Variants in RAI1 observed in about 807,000 individuals in gnomAD.
RAI1 encodes retinoic acid induced 1.
In RAI1, 9 loss-of-function variants were observed where a neutral mutation model predicts 123.8. The ratio of observed to expected loss-of-function variants is 0.07; its 90% CI spans 0.04 to 0.13. RAI1 has a LOEUF of 0.13. Ranked by LOEUF, RAI1 falls within the 10% of genes least tolerant of loss-of-function variation. RAI1 has a pLI of 1.00. For synonymous variants in RAI1, 1,231 were observed against 1,127.3 expected (o/e 1.09, Z -1.84); for missense variants, 2,256 against 2,545.8 (o/e 0.89, Z 2.45).
chr17:17,681,474 C>A lies in RAI1; in HGVS notation c.-468C>A, dbSNP rs1004656011. ...GAGGGGATCGCATTCCTCGCGGCAC[C>A]CGCGGACACCAGGCAGGCCCGGCCG... On this transcript the variant is annotated 5_prime_UTR_variant, in exon 1 of 6. Transcript: ENST00000353383. The A allele has an allele frequency of 3.6e-5, 6 of 168,828 alleles. No homozygotes were observed. The highest frequency in any genetic ancestry group is 3.4e-4 in the East Asian group (2 of 5,848). 10.5% of individuals were successfully genotyped at this position (168,828 alleles called of 1,614,324 possible).
intron 2 of RAI1, among the ~76,000 whole-genome samples, chr17:17,776,447 T>C (rs948858175): frequency 1.1e-4 from 17 of 152,166 alleles, no homozygotes; most frequent in Non-Finnish European, 2.4e-4. Context: ...CTCAGCTTAC[T>C]GCAGCCTCCA....
In RAI1 at chr17:17,795,732, G is replaced by A. The variant is rs763901224; in HGVS notation, c.2784G>A (p.Leu928=). ...CHLSGESVIL[L]GPTVGTESKV... is the part of the protein sequence containing the mutation. ...TCTCAGGGGAGTCCGTCATCCTGCTGGGCCCTACAGTGGGCACCGAGTCAA... is the reference window on the plus strand; with the variant it reads ...TCTCAGGGGAGTCCGTCATCCTGCTAGGCCCTACAGTGGGCACCGAGTCAA... The change falls in exon 3 of 6, where the codon CTG becomes CTA. Residue 928 remains leucine (L), a synonymous_variant. Coordinates refer to ENST00000353383, the MANE Select transcript of RAI1 (RefSeq NM_030665.4). This position sits in a 1 kb window ranked among gnomAD's most constrained non-coding sequence, Gnocchi z 5.9. The A allele has an allele frequency of 1.1e-5, 18 of 1,613,408 alleles. No individual in the cohort carries two copies. Among genetic ancestry groups the A allele is most frequent in the Non-Finnish European group, 1.5e-5 (18 of 1,180,018 alleles).
At chr17:17,694,663 T>G (rs1042440811) in intron 1 of RAI1, among the ~76,000 whole-genome samples, 2 of 151,232 alleles carry the variant, frequency 1.3e-5, no homozygotes, top group Admixed American at 6.6e-5. Flanking sequence ...CGCCGGAGCC[T>G]CCTCCGCGGT....
At chr17:17,789,453 G>A (rs1598083695) in intron 2 of RAI1, among the ~76,000 whole-genome samples, 1 of 152,216 alleles carries the variant, frequency 6.6e-6, no homozygotes, top group East Asian at 1.9e-4. Context: ...TGCCCCAGGT[G>A]TGTGCCACAC....
At chr17:17,727,969 C>T (rs1284902189) in intron 2 of RAI1, among the ~76,000 whole-genome samples, 1 of 152,062 alleles carries the variant, frequency 6.6e-6, no homozygotes, top group East Asian at 1.9e-4. Flanking sequence ...CATCCGTGTG[C>T]CTCTGATCCT....
chr17:17,722,816 G>C (rs1915929155), intron 1 of RAI1, among the ~76,000 whole-genome samples: 1 of 147,074 alleles, frequency 6.8e-6, no homozygotes, highest in South Asian at 2.1e-4. Flanking sequence ...GGAGGCGCGC[G>C]ATGAAGGCCC....
chr17:17,794,099 C>T lies in RAI1; in HGVS notation c.1151C>T (p.Ala384Val). ...CCGCTCAGCACCGGGGCCTTCCCCGCAGGGATCACTGACCACAGCCACTTC... is the reference window on the plus strand; with the variant it reads ...CCGCTCAGCACCGGGGCCTTCCCCGTAGGGATCACTGACCACAGCCACTTC... The part of the protein sequence containing the change: ...QQPLSTGAFP[A>V]GITDHSHFMP... The change falls in exon 3 of 6, where the codon GCA (alanine) becomes GTA (valine). Residue 384 changes from alanine to valine, a missense_variant. This residue lies in a region of RAI1 where 357 missense variants were observed against 480.2 expected (regional missense o/e 0.74). Transcript: ENST00000353383. 6.2e-7 allele frequency: 1 copy of T among 1,614,098 alleles called. No individual in the cohort carries two copies. Among genetic ancestry groups the T allele is most frequent in the Non-Finnish European group, 8.5e-7 (1 of 1,180,046 alleles).
chr17:17,787,458 C>G (rs1000344450), intron 2 of RAI1, among the ~76,000 whole-genome samples: 1 of 152,004 alleles, frequency 6.6e-6, no homozygotes, highest in Non-Finnish European at 1.5e-5. Flanking sequence ...ATAAAGTGAT[C>G]TAAAAAAAAA....
At chr17:17,711,798 G>A (rs571931143) in intron 1 of RAI1, among the ~76,000 whole-genome samples, 6 of 152,332 alleles carry the variant, frequency 3.9e-5, no homozygotes, top group Admixed American at 3.9e-4. Flanking sequence ...GGTGAGGCCC[G>A]GGCTCTGTCC....
intron 2 of RAI1, among the ~76,000 whole-genome samples, chr17:17,747,510 C>T (rs1395201419): frequency 6.6e-6 from 1 of 152,170 alleles, no homozygotes; most frequent in African/African-American, 2.4e-5. Flanking sequence ...ATAGGGCTGT[C>T]CTGGCAGCCC....
At chr17:17,692,545 A>T (rs973812642) in intron 1 of RAI1, among the ~76,000 whole-genome samples, 1 of 152,224 alleles carries the variant, frequency 6.6e-6, no homozygotes, top group Non-Finnish European at 1.5e-5. Context: ...ATTAGAAATC[A>T]CATCCGCAGG....
At chr17:17,719,973 A>G (rs1416022541) in intron 1 of RAI1, among the ~76,000 whole-genome samples, 1 of 152,136 alleles carries the variant, frequency 6.6e-6, no homozygotes, top group Non-Finnish European at 1.5e-5. Context: ...GGCTTACCAG[A>G]CCAGGGCTGA....
chr17:17,803,671 C>T (rs2032533404), intron 3 of RAI1, 85 bp from the exon 4 acceptor site: 5 of 1,265,698 alleles, frequency 4.0e-6, no homozygotes, highest in Non-Finnish European at 5.8e-6. Context: ...CAGGCATGAG[C>T]CACTGCACCT....
chr17:17,723,612 G>A (rs1915963269), intron 1 of RAI1, among the ~76,000 whole-genome samples: 1 of 149,104 alleles, frequency 6.7e-6, no homozygotes, highest in Non-Finnish European at 1.5e-5. Flanking sequence ...TGAGAGCCAA[G>A]GGAGCGTCTC....
In RAI1 at chr17:17,801,072, C is replaced by T. The variant is rs549438251; in HGVS notation, c.5565+2559C>T. Reference sequence around the variant, plus strand: ...CCTCGGTACCTTGACCTCACTTTTGCGCTCTGGAGGGCAGAACCTCTGAGC... The same window carrying T: ...CCTCGGTACCTTGACCTCACTTTTGTGCTCTGGAGGGCAGAACCTCTGAGC... On this transcript the variant is annotated intron_variant, in intron 3 of 5. Transcript: ENST00000353383. The surrounding 1 kb of genome is among the most constrained non-coding windows in gnomAD (Gnocchi z 4.1). 5.3e-5 allele frequency among the ~76,000 whole-genome samples: 8 copies of T among 152,192 alleles called. No individual in the cohort carries two copies. The highest frequency in any genetic ancestry group is 8.8e-5 in the Non-Finnish European group (6 of 68,026).
In RAI1 at chr17:17,794,981, A is replaced by G. The variant is rs1567919637; in HGVS notation, c.2033A>G (p.Asn678Ser). The change falls in exon 3 of 6, where the codon AAT (asparagine) becomes AGT (serine). Residue 678 changes from asparagine (N) to serine (S), a missense_variant. Transcript: ENST00000353383. Reference protein sequence around the residue: ...PDSLQLDKGGNAKDFSPGLFE... With the variant: ...PDSLQLDKGGSAKDFSPGLFE... ...TCCTTGCAGCTGGACAAGGGCGGCA[A>G]TGCCAAGGACTTCAGCCCAGGGCTG... 2.5e-6 allele frequency: 4 copies of G among 1,613,850 alleles called. No homozygotes were observed. The highest frequency in any genetic ancestry group is 2.5e-6 in the Non-Finnish European group (3 of 1,180,052).
In RAI1 at chr17:17,797,870, C is replaced by A. The variant is rs867812965; in HGVS notation, c.4922C>A (p.Ser1641Tyr). Residue 1641 changes from serine to tyrosine, a missense_variant, in exon 3 of 6, where the codon TCC (serine) becomes TAC (tyrosine). By Grantham distance (144) the Ser-to-Tyr change is moderately radical. Around this residue, in one of 7 missense-constraint regions of RAI1, gnomAD observed 410 missense variants for 374.6 expected, o/e 1.09. Coordinates refer to ENST00000353383, the MANE Select transcript of RAI1 (RefSeq NM_030665.4). ...TCTTCCTCATCCTCGTCCTCGTTCT[C>A]CTTGGATGCAGCCGGGGCCTCCCTG... is the stretch of plus-strand genomic sequence containing the variant. ...ASSSSSSSSFSLDAAGASLAT... is the reference protein window; with the variant it reads ...ASSSSSSSSFYLDAAGASLAT... The A allele has an allele frequency of 6.2e-7, 1 of 1,614,042 alleles. No individual in the cohort carries two copies. Among genetic ancestry groups the A allele is most frequent in the Non-Finnish European group, 8.5e-7 (1 of 1,180,026 alleles).
rs576795003 is a variant in RAI1 at position 17,681,791 on chromosome 17, G to C, written c.-151G>C. The C allele has an allele frequency of 3.1e-6, 1 of 324,222 alleles. No individual in the cohort carries two copies. The highest frequency in any genetic ancestry group is 2.2e-5 in the African/African-American group (1 of 45,530). 20.1% of individuals were successfully genotyped at this position (324,222 alleles called of 1,614,324 possible). A position where few individuals can be genotyped will look rare whatever the true frequency, so the allele number is the denominator to read the frequency against. ...AGGCCCCCGAGTGAGCGCGGGCGCC[G>C]AGGTGAGCAGCGAGCGCCGGGGCGC... On this transcript the variant is annotated splice_region_variant and 5_prime_UTR_variant, in exon 1 of 6. Transcript: ENST00000353383.
In RAI1 at chr17:17,794,317, G is replaced by A. The variant is rs1490052376; in HGVS notation, c.1369G>A (p.Ala457Thr). ...CGTCCAGCAGCTGCTGCTCTCCAAG[G>A]CTGCTGTGCCGCAGAAGAAAGGTGT... ...NTVQQLLLSK[A>T]AVPQKKGVKN... Residue 457 changes from alanine to threonine, a missense_variant, in exon 3 of 6, where the codon GCT becomes ACT. This residue lies in a region of RAI1 where 357 missense variants were observed against 480.2 expected (regional missense o/e 0.74). Transcript: ENST00000353383. The A allele has an allele frequency of 2.5e-6, 4 of 1,613,060 alleles. No individual in the cohort carries two copies. The highest frequency in any genetic ancestry group is 3.4e-6 in the Non-Finnish European group (4 of 1,180,044).
Sources: gnomAD v4.1 joint callset for allele counts (sites outside exome capture counted in the v4.1 genomes callset) on GRCh38, gnomAD v4.1.1 for gene constraint, gnomAD v4.1.1 regional missense constraint, Gnocchi (gnomAD v3.1) non-coding constraint, MANE v1.5 for transcripts, NCBI Gene and HGNC (gene_info 2026-07-23, HGNC 2026-07-21) for gene names.